The following ADGRB3 variants were observed in gnomAD, a reference collection of about 807,000 sequenced individuals.
The protein encoded by ADGRB3 is adhesion G protein-coupled receptor B3, also known as brain-specific angiogenesis inhibitor 3.
Under a neutral mutation model 193.4 loss-of-function variants are expected in ADGRB3, and 37 were observed. The observed-to-expected ratio is 0.19, with a 90% CI of 0.15 to 0.25. ADGRB3 has a LOEUF of 0.25. Ranked by LOEUF, ADGRB3 falls within the 10% of genes least tolerant of loss-of-function variation. The pLI, the probability that ADGRB3 is intolerant of heterozygous loss-of-function variation, is 1.00. For synonymous variants in ADGRB3, 690 were observed against 644.2 expected, an observed-to-expected ratio of 1.07 and a Z score of -1.08; for missense variants, 1,637 against 1,852.9, an observed-to-expected ratio of 0.88 and a Z score of 2.14.
chr6:69,207,287 C>A (rs1400269708), intron 17 of ADGRB3, among the ~76,000 whole-genome samples: 1 of 152,156 alleles, frequency 6.6e-6, no homozygotes, highest in Admixed American at 6.5e-5. Context: ...AGTGGTGCCA[C>A]TTCCACTTCC....
intron 17 of ADGRB3, 125 bp downstream of exon 17, chr6:69,076,163 A>G (rs1490477423): frequency 1.2e-6 from 1 of 813,026 alleles, no homozygotes; most frequent in Non-Finnish European, 2.0e-6. Flanking sequence ...AGAAAAAAAA[A>G]TCCTCTTTTT....
chr6:68,724,663 A>AT (rs35845748), intron 3 of ADGRB3, among the ~76,000 whole-genome samples: 450 of 144,536 alleles, frequency 3.1e-3, no homozygotes, highest in Middle Eastern at 0.014. Context: ...AAAAACCCAT[A>AT]TTTTTTTTTT....
chr6:69,174,382 T>C (rs1482031638), intron 17 of ADGRB3, among the ~76,000 whole-genome samples: 3 of 152,228 alleles, frequency 2.0e-5, no homozygotes, highest in Non-Finnish European at 2.9e-5. Flanking sequence ...ATGAATTTGA[T>C]TGGGATAATG....
chr6:68,865,343 C>T (rs1765267578), intron 3 of ADGRB3, among the ~76,000 whole-genome samples: 1 of 152,076 alleles, frequency 6.6e-6, no homozygotes. Flanking sequence ...CAAGCACAAA[C>T]TTATCCAAGG....
chr6:68,838,677 T>C (rs1235156752), intron 3 of ADGRB3, among the ~76,000 whole-genome samples: 1 of 152,210 alleles, frequency 6.6e-6, no homozygotes, highest in Non-Finnish European at 1.5e-5. Flanking sequence ...TTCAGAGTTT[T>C]AGAGCTGTTA....
Position 68,803,447 on chromosome 6 carries a change from G to A in ADGRB3, c.758-127112G>A, listed in dbSNP as rs568438397. Among the ~76,000 whole-genome samples, 4 of 152,118 alleles carry A rather than the reference G, an allele frequency of 2.6e-5. No homozygotes were observed. The East Asian group carries it at 5.8e-4, about 22-fold the overall frequency. On this transcript the variant is annotated intron_variant, in intron 3 of 31. Transcript: ENST00000370598. Reference sequence around the variant, plus strand: ...GCCTGTTAACTGTATAATCTACTCAGTGGAATTGCTCAACCTCCAAATATA... The same window carrying A: ...GCCTGTTAACTGTATAATCTACTCAATGGAATTGCTCAACCTCCAAATATA...
chr6:68,750,190 A>G (rs1030172590), intron 3 of ADGRB3, among the ~76,000 whole-genome samples: 1 of 152,210 alleles, frequency 6.6e-6, no homozygotes, highest in Non-Finnish European at 1.5e-5. Context: ...AAGTTTTAGA[A>G]CATGATATAT....
intron 17 of ADGRB3, among the ~76,000 whole-genome samples, chr6:69,087,789 T>G (rs1376478353): frequency 6.6e-6 from 1 of 152,220 alleles, no homozygotes; most frequent in Non-Finnish European, 1.5e-5. Flanking sequence ...AGAAATACAA[T>G]ACCTTTGTTT....
chr6:68,876,418 G>C (rs1158293098), intron 3 of ADGRB3, among the ~76,000 whole-genome samples: 1 of 152,116 alleles, frequency 6.6e-6, no homozygotes, highest in African/African-American at 2.4e-5. Context: ...GTATTTTGTT[G>C]ATTTCTGAAA....
At chr6:69,087,682 T>C (rs916038277) in intron 17 of ADGRB3, among the ~76,000 whole-genome samples, 1 of 151,958 alleles carries the variant, frequency 6.6e-6, no homozygotes, top group African/African-American at 2.4e-5. Flanking sequence ...AAATGAACCA[T>C]GAGAGTTGAA....
intron 31 of ADGRB3, among the ~76,000 whole-genome samples, chr6:69,384,308 C>A (rs1237198682): frequency 6.6e-6 from 1 of 152,020 alleles, no homozygotes; most frequent in Non-Finnish European, 1.5e-5. Context: ...ATAGAAAACA[C>A]TTCATTCATA....
chr6:69,322,832 G>T (rs1045724972), intron 20 of ADGRB3, among the ~76,000 whole-genome samples: 2 of 151,862 alleles, frequency 1.3e-5, no homozygotes, highest in African/African-American at 2.4e-5. Flanking sequence ...GCAATTTAAG[G>T]ATAAATAGTT....
At chr6:69,223,635 T>G (rs1477047864) in intron 17 of ADGRB3, among the ~76,000 whole-genome samples, 1 of 150,980 alleles carries the variant, frequency 6.6e-6, no homozygotes, top group African/African-American at 2.4e-5. Flanking sequence ...ATAATTTTTT[T>G]GAATCTCTCT....
At chr6:69,327,618 T>C (rs1460588182) in intron 21 of ADGRB3, among the ~76,000 whole-genome samples, 1 of 152,138 alleles carries the variant, frequency 6.6e-6, no homozygotes, top group Non-Finnish European at 1.5e-5. Flanking sequence ...ACCAGAGAAG[T>C]GCAGTAAGTT....
chr6:69,310,383 T>G (rs1768165733), intron 20 of ADGRB3, among the ~76,000 whole-genome samples: 1 of 151,764 alleles, frequency 6.6e-6, no homozygotes, highest in South Asian at 2.1e-4. Context: ...CTGCTAATTT[T>G]TCATGCTGTG....
At chr6:68,950,983 C>A (rs1174479682) in intron 6 of ADGRB3, among the ~76,000 whole-genome samples, 2 of 152,158 alleles carry the variant, frequency 1.3e-5, no homozygotes, top group East Asian at 3.9e-4. Flanking sequence ...CCTATAAGAT[C>A]TGGCTTCTGC....
chr6:68,867,457 G>T (rs1765328573), intron 3 of ADGRB3, among the ~76,000 whole-genome samples: 1 of 152,206 alleles, frequency 6.6e-6, no homozygotes, highest in African/African-American at 2.4e-5. Context: ...CAGGAGTGGA[G>T]CCCTCATGGA....
At chr6:69,033,398 G>A (rs1297485) in intron 13 of ADGRB3, among the ~76,000 whole-genome samples, 43,905 of 151,762 alleles carry the variant, frequency 0.29, 8,394 homozygotes, top group East Asian at 0.89. Flanking sequence ...GCAAAATTTC[G>A]CCAATTATCT....
At chr6:69,273,754 A>G (rs757107158) in intron 20 of ADGRB3, among the ~76,000 whole-genome samples, 36 of 152,292 alleles carry the variant, frequency 2.4e-4, no homozygotes, top group Non-Finnish European at 4.0e-4. Context: ...GTTTACAGGG[A>G]CTTCAGATGC....
Sources: gnomAD v4.1 joint callset for allele counts (sites outside exome capture counted in the v4.1 genomes callset) on GRCh38, gnomAD v4.1.1 for gene constraint, MANE v1.5 for transcripts, NCBI Gene and HGNC (gene_info 2026-07-23, HGNC 2026-07-21) for gene names.